The following PCDH15 variants were observed in gnomAD, a reference collection of about 807,000 sequenced individuals.
PCDH15 encodes the protein protocadherin-15.
A neutral mutation model predicts 178.5 loss-of-function variants in PCDH15; 129 were observed. That is an observed-to-expected ratio of 0.72 (90% CI 0.63 to 0.84). PCDH15 has a LOEUF of 0.84. PCDH15 is among the 40% of genes least tolerant of loss of function. PCDH15 has a pLI of 0.00. For missense variants in PCDH15, 2,230 were observed against 2,099.9 expected (o/e 1.06, Z -1.21); for synonymous variants, 800 against 732.0 (o/e 1.09, Z -1.50).
At chr10:54,808,535 T>G (rs1462018574) in intron 3 of PCDH15, among the ~76,000 whole-genome samples, 3 of 152,202 alleles carry the variant, frequency 2.0e-5, no homozygotes, top group Admixed American at 6.5e-5. Context: ...TCTCATCTTT[T>G]AGCTCCTACT....
At chr10:55,047,699 A>C (rs1278000353) in intron 2 of PCDH15, among the ~76,000 whole-genome samples, 5 of 151,756 alleles carry the variant, frequency 3.3e-5, no homozygotes, top group Non-Finnish European at 7.4e-5. Context: ...TGTAGGTCAC[A>C]TTTTTAGCAT....
chr10:55,039,269 T>C (rs181853726), intron 2 of PCDH15, among the ~76,000 whole-genome samples: 1 of 152,188 alleles, frequency 6.6e-6, no homozygotes, highest in Admixed American at 6.5e-5. Context: ...AGAGCTTATT[T>C]TAATTGTGTT....
chr10:54,940,260 T>A (rs1366363871), intron 2 of PCDH15, among the ~76,000 whole-genome samples: 1 of 152,194 alleles, frequency 6.6e-6, no homozygotes, highest in Non-Finnish European at 1.5e-5. Context: ...AAAATATGAT[T>A]GAATTTCCCT....
chr10:54,618,848 C>T (rs866797323), intron 2 of PCDH15, among the ~76,000 whole-genome samples: 2 of 151,460 alleles, frequency 1.3e-5, no homozygotes, highest in East Asian at 1.9e-4. Context: ...TGAAGACACA[C>T]AGAGATAGCT....
chr10:54,804,197 G>A (rs1474010136), upstream of PCDH15, among the ~76,000 whole-genome samples: 1 of 151,988 alleles, frequency 6.6e-6, no homozygotes, highest in Admixed American at 6.6e-5. Flanking sequence ...CCACCACCAC[G>A]CCCAGCTAAT....
chr10:55,206,989 CTCTT>C (rs947805779), intron 1 of PCDH15, among the ~76,000 whole-genome samples: 14 of 151,828 alleles, frequency 9.2e-5, no homozygotes, highest in South Asian at 2.1e-4. Context: ...ATATTGATCT[CTCTT>C]TCTCTTTCTC....
At chr10:54,527,706 G>T (rs1475136702) in intron 3 of PCDH15, 106 bp downstream of exon 3, 2 of 794,564 alleles carry the variant, frequency 2.5e-6, no homozygotes, top group Non-Finnish European at 3.9e-6. Flanking sequence ...CCATGGATTT[G>T]GGTTGAAACT....
At chr10:54,229,378 A>T (rs7915325) in intron 9 of PCDH15, among the ~76,000 whole-genome samples, 8,310 of 152,274 alleles carry the variant, frequency 0.055, 560 homozygotes, top group African/African-American at 0.17. Flanking sequence ...TAGAGTGTGT[A>T]CTCAAAAATA....
At chr10:55,280,375 T>C (rs1016302011) in intron 1 of PCDH15, among the ~76,000 whole-genome samples, 4 of 144,244 alleles carry the variant, frequency 2.8e-5, no homozygotes, top group Admixed American at 7.4e-5. Context: ...GCCTCCCGGG[T>C]TCAAGGGATT....
intron 18 of PCDH15, among the ~76,000 whole-genome samples, chr10:54,052,578 T>G (rs562811391): frequency 2.0e-5 from 3 of 152,186 alleles, no homozygotes; most frequent in African/African-American, 7.2e-5. Flanking sequence ...TAGTAACTTT[T>G]AATTCTACAG....
At chr10:54,746,256 A>G (rs994709809) in intron 1 of PCDH15, among the ~76,000 whole-genome samples, 5 of 152,094 alleles carry the variant, frequency 3.3e-5, no homozygotes, top group African/African-American at 1.2e-4. Context: ...AATGTTTCTA[A>G]GCACTGTCAA....
intron 2 of PCDH15, among the ~76,000 whole-genome samples, chr10:55,112,530 A>C (rs930961690): frequency 6.6e-6 from 1 of 152,200 alleles, no homozygotes; most frequent in African/African-American, 2.4e-5. Flanking sequence ...AGCAAGAAGC[A>C]AGATAAGAGG....
chr10:54,691,747 T>C (rs1176874754), intron 1 of PCDH15, among the ~76,000 whole-genome samples: 1 of 152,150 alleles, frequency 6.6e-6, no homozygotes, highest in East Asian at 1.9e-4. Flanking sequence ...GATTTCTACA[T>C]GATACTTATA....
At chr10:55,301,862 A>G (rs906426090) in intron 1 of PCDH15, among the ~76,000 whole-genome samples, 1 of 152,160 alleles carries the variant, frequency 6.6e-6, no homozygotes, top group Non-Finnish European at 1.5e-5. Context: ...CCTACATTGA[A>G]TTGCTTTTGC....
At chr10:54,874,292 G>C (rs1954097793) in intron 3 of PCDH15, among the ~76,000 whole-genome samples, 1 of 146,608 alleles carries the variant, frequency 6.8e-6, no homozygotes, top group Non-Finnish European at 1.5e-5. Flanking sequence ...TCCCTACAAA[G>C]GGCATGAACT....
intron 1 of PCDH15, among the ~76,000 whole-genome samples, chr10:55,306,396 G>A (rs940674904): frequency 2.0e-5 from 3 of 152,110 alleles, no homozygotes; most frequent in Non-Finnish European, 4.4e-5. Flanking sequence ...TTCACCTCCT[G>A]CATTTACCCT....
intron 2 of PCDH15, among the ~76,000 whole-genome samples, chr10:54,974,706 T>C (rs1839023487): frequency 6.6e-6 from 1 of 152,248 alleles, no homozygotes; most frequent in African/African-American, 2.4e-5. Flanking sequence ...AAAGGTTGAA[T>C]AAGTTCAGAA....
intron 23 of PCDH15, among the ~76,000 whole-genome samples, chr10:53,946,553 T>C (rs1046738376): frequency 7.2e-5 from 11 of 152,244 alleles, no homozygotes; most frequent in African/African-American, 2.2e-4. Context: ...TGTCTTTTTG[T>C]ATTGTGATAT....
At chr10:54,063,945 A>C (rs180879394) in intron 18 of PCDH15, among the ~76,000 whole-genome samples, 94 of 152,296 alleles carry the variant, frequency 6.2e-4, no homozygotes, top group African/African-American at 2.2e-3. Context: ...TGCTCGCCAC[A>C]TGGTGAGGGG....
Sources: allele counts gnomAD v4.1 joint callset (sites outside exome capture counted in the v4.1 genomes callset), GRCh38; gene constraint gnomAD v4.1.1; transcripts MANE v1.5; gene names NCBI Gene and HGNC (gene_info 2026-07-23, HGNC 2026-07-21).